Variants in LRRC63 observed in about 807,000 individuals in gnomAD.
LRRC63 encodes leucine rich repeat containing 63, also known as leucine-rich repeat-containing protein 63.
Under a neutral mutation model 49.5 loss-of-function variants are expected in LRRC63, and 40 were observed. That is an observed-to-expected ratio of 0.81 (90% confidence interval 0.63 to 1.05). The LOEUF is 1.05. Ranked by LOEUF, LRRC63 falls within the 50% of genes least tolerant of loss-of-function variation. LRRC63 has a pLI of 0.00. For missense variants in LRRC63, 636 were observed against 663.1 expected (o/e 0.96, Z 0.45); for synonymous variants, 191 against 221.1 (o/e 0.86, Z 1.21).
chr13:46,253,210 C>G (rs114804079), intron 7 of LRRC63, among the ~76,000 whole-genome samples: 2,231 of 148,746 alleles, frequency 0.015, 64 homozygotes, highest in African/African-American at 0.053. Flanking sequence ...ACAGAAAAGT[C>G]AAAGTAAAAA....
rs61630248 is a variant in LRRC63 at position 46,258,124 on chromosome 13, CTTT to C, written c.1227-3765_1227-3763del. 1.9e-3 allele frequency among the ~76,000 whole-genome samples: 195 copies of C among 100,578 alleles called. 2 individuals carry two copies. Among genetic ancestry groups the C allele is most frequent in the African/African-American group, 8.3e-3 (186 of 22,504 alleles). The allele number at this position is 100,578 out of a possible 152,430, so 66.0% of individuals were successfully genotyped here. On this transcript the variant is annotated intron_variant, in intron 7 of 9. Coordinates refer to ENST00000595396, the Ensembl canonical transcript of LRRC63. ...AACTCTAGCAAGCCAGTGACCTACT[CTTT>C]TTTTTTTTTTTTTTTTTTTGAGACG...
chr13:46,260,629 T>G (rs1010857783), intron 7 of LRRC63, among the ~76,000 whole-genome samples: 6 of 152,138 alleles, frequency 3.9e-5, no homozygotes, highest in Non-Finnish European at 5.9e-5. Flanking sequence ...TCACCCAGTC[T>G]GAAGGATTTG....
intron 2 of LRRC63, among the ~76,000 whole-genome samples, chr13:46,214,278 A>T (rs1019074077): frequency 6.6e-6 from 1 of 152,216 alleles, no homozygotes; most frequent in Non-Finnish European, 1.5e-5. Flanking sequence ...GGCTATTAAC[A>T]GTAGGTAACT....
exon 5 of LRRC63, chr13:46,234,192 G>T: frequency 6.5e-6 from 10 of 1,546,868 alleles, no homozygotes; most frequent in Non-Finnish European, 8.7e-6. Context: ...GTTTATTTAG[G>T]TCTCACCAAA....
At chr13:46,233,397 G>A (rs1367827218) in intron 4 of LRRC63, among the ~76,000 whole-genome samples, 5 of 152,050 alleles carry the variant, frequency 3.3e-5, no homozygotes, top group African/African-American at 1.2e-4. Context: ...TGGGCACAGA[G>A]GTTCTATTTT....
At chr13:46,220,224 G>A (rs528866928) in intron 2 of LRRC63, among the ~76,000 whole-genome samples, 1 of 152,196 alleles carries the variant, frequency 6.6e-6, no homozygotes, top group East Asian at 1.9e-4. Flanking sequence ...CTTCCCCCAG[G>A]TGCTCTGTAC....
intron 8 of LRRC63, among the ~76,000 whole-genome samples, chr13:46,264,032 C>T (rs2138577472): frequency 6.6e-6 from 1 of 152,316 alleles, no homozygotes; most frequent in Middle Eastern, 3.4e-3. Context: ...AGCTTTCATT[C>T]AGCGTGTTTC....
chr13:46,261,865 G>A, intron 7 of LRRC63, 44 bp from the exon 8 acceptor site: 1 of 591,826 alleles, frequency 1.7e-6, no homozygotes, highest in Non-Finnish European at 2.5e-6. Context: ...TCCCAGTGGT[G>A]ATACATAATC....
rs930497167 is a variant in LRRC63, at chr13:46,213,249, A to G, written c.85+130A>G. On this transcript the variant is annotated intron_variant, in intron 2 of 9. Transcript: ENST00000595396. ...TACAAATGTTTGTTGTCAGGTGATA[A>G]CATCCAATTCAATTCCACAGATGCA... The G allele has an allele frequency of 1.1e-5, 7 of 627,262 alleles. No individual in the cohort carries two copies. In the Admixed American group the frequency reaches 2.0e-4, roughly 18 times the overall value. 38.9% of individuals were successfully genotyped at this position (627,262 alleles called of 1,614,324 possible). A position where few individuals can be genotyped will look rare whatever the true frequency, so the allele number is the denominator to read the frequency against.
At chr13:46,257,812 GTTGT>G (rs1473359303) in intron 7 of LRRC63, among the ~76,000 whole-genome samples, 1 of 152,100 alleles carries the variant, frequency 6.6e-6, no homozygotes, top group Non-Finnish European at 1.5e-5. Context: ...TAGAAAAATG[GTTGT>G]TTATTTTGGT....
At chr13:46,228,147 A>G (rs2046633236) in exon 3 of LRRC63, 1 of 1,550,154 alleles carries the variant, frequency 6.5e-7, no homozygotes, top group South Asian at 1.2e-5. Flanking sequence ...TTCCTTGCCA[A>G]CACCAGTTTT....
chr13:46,266,911 C>A (rs2047691634), exon 9 of LRRC63: 1 of 1,547,444 alleles, frequency 6.5e-7, no homozygotes, highest in African/African-American at 1.4e-5. Flanking sequence ...GTTCATTGTC[C>A]AAAATAAACT....
chr13:46,268,171 T>C (rs1194689803), intron 9 of LRRC63, among the ~76,000 whole-genome samples: 1 of 151,998 alleles, frequency 6.6e-6, no homozygotes, highest in Admixed American at 6.6e-5. Flanking sequence ...GAGAAAGAAA[T>C]GTTAAGTAAA....
At chr13:46,233,202 C>G (rs1198166505) in intron 4 of LRRC63, among the ~76,000 whole-genome samples, 1 of 152,170 alleles carries the variant, frequency 6.6e-6, no homozygotes, top group Non-Finnish European at 1.5e-5. Context: ...TCATCTCCAT[C>G]TTCCTCATTT....
chr13:46,265,093 G>C (rs141812967), intron 8 of LRRC63, among the ~76,000 whole-genome samples: 1 of 152,194 alleles, frequency 6.6e-6, no homozygotes, highest in Non-Finnish European at 1.5e-5. Context: ...CCAGGGGGCA[G>C]AGCTTGCAGT....
intron 4 of LRRC63, among the ~76,000 whole-genome samples, chr13:46,233,443 A>G (rs2046820432): frequency 6.6e-6 from 1 of 152,128 alleles, no homozygotes; most frequent in African/African-American, 2.4e-5. Flanking sequence ...TCTTTGTTCT[A>G]GGATGCTTAT....
intron 2 of LRRC63, among the ~76,000 whole-genome samples, chr13:46,216,266 A>T (rs772231709): frequency 2.0e-5 from 3 of 152,118 alleles, no homozygotes; most frequent in Non-Finnish European, 2.9e-5. Context: ...ATGTTTTTCC[A>T]TTTGTTTGTG....
Position 46,266,813 on chromosome 13 carries a change from T to A in LRRC63, c.1391T>A (p.Ile464Asn). ...ATTTTGAAGCTTAACCTGACAAAAA[T>A]TCAGTTTGAGAATAATTTCACTCAT... Residue 464 changes from isoleucine to asparagine, a missense_variant, in exon 9 of 10, where the codon ATT (isoleucine) becomes AAT (asparagine). Physicochemically the swap from Ile to Asn is moderately radical, Grantham distance 149 (BLOSUM62 -3). Coordinates refer to ENST00000595396, the Ensembl canonical transcript of LRRC63. The A allele has an allele frequency of 3.9e-6, 6 of 1,550,208 alleles. No homozygotes were observed. The South Asian group carries it at 7.1e-5, about 18-fold the overall frequency.
At chr13:46,275,720 C>T (rs573160841) in intron 9 of LRRC63, among the ~76,000 whole-genome samples, 2 of 151,490 alleles carry the variant, frequency 1.3e-5, no homozygotes, top group East Asian at 3.9e-4. Context: ...CAGATGAATA[C>T]TTTGCAAATA....
Sources: gnomAD v4.1 joint callset for allele counts (sites outside exome capture counted in the v4.1 genomes callset) on GRCh38, gnomAD v4.1.1 for gene constraint, MANE v1.5 for transcripts, NCBI Gene and HGNC (gene_info 2026-07-23, HGNC 2026-07-21) for gene names.